The following SLC35F4 variants were observed in gnomAD, a reference collection of about 807,000 sequenced individuals.
SLC35F4 encodes solute carrier family 35 member F4.
A neutral mutation model predicts 44.2 loss-of-function variants in SLC35F4; 24 were observed. The observed-to-expected ratio is 0.54, with a 90% CI of 0.39 to 0.76. The LOEUF (loss-of-function observed/expected upper bound fraction) is 0.76, where lower values mean the gene tolerates loss of function less well. SLC35F4 is among the 30% of genes least tolerant of loss of function. SLC35F4 has a pLI of 0.00. For missense variants in SLC35F4, 562 were observed against 586.1 expected (o/e 0.96, Z 0.42); for synonymous variants, 238 against 223.6 (o/e 1.06, Z -0.57).
chr14:57,762,357 G>A (rs1040864711), intron 1 of SLC35F4, among the ~76,000 whole-genome samples: 1 of 152,098 alleles, frequency 6.6e-6, no homozygotes, highest in East Asian at 1.9e-4. Context: ...TGGACAAGAA[G>A]CAAAGGGATT....
chr14:57,819,210 C>A (rs1279543879), intron 1 of SLC35F4, among the ~76,000 whole-genome samples: 1 of 151,740 alleles, frequency 6.6e-6, no homozygotes, highest in Non-Finnish European at 1.5e-5. Context: ...ATTCTAAAAC[C>A]AATAACACTC....
At chr14:57,712,110 A>G (rs1860039918) in intron 1 of SLC35F4, among the ~76,000 whole-genome samples, 1 of 152,206 alleles carries the variant, frequency 6.6e-6, no homozygotes, top group Admixed American at 6.5e-5. Context: ...CTCTTCTTTT[A>G]TAAATGGAGT....
chr14:57,785,178 T>C lies in SLC35F4; in HGVS notation c.103+80545A>G, dbSNP rs551736073. 7.2e-5 allele frequency among the ~76,000 whole-genome samples: 11 copies of C among 152,116 alleles called. No homozygotes were observed. In the South Asian group the frequency reaches 1.7e-3, roughly 23 times the overall value. On this transcript the variant is annotated intron_variant, in intron 1 of 7. Coordinates refer to ENST00000556826, the MANE Select transcript of SLC35F4 (RefSeq NM_001306087.2). ...GTCAGCTATGGTTTAAATATTTTGA[T>C]GATTAAAAATTAAGCCTCGGTTACC...
chr14:57,762,341 A>G (rs1201743845), intron 1 of SLC35F4, among the ~76,000 whole-genome samples: 1 of 152,132 alleles, frequency 6.6e-6, no homozygotes, highest in Non-Finnish European at 1.5e-5. Flanking sequence ...AAAATTGTAC[A>G]AGACTTGGAC....
At chr14:57,582,712 A>T (rs376864250) in intron 3 of SLC35F4, among the ~76,000 whole-genome samples, 57 of 152,286 alleles carry the variant, frequency 3.7e-4, no homozygotes, top group African/African-American at 1.3e-3. Flanking sequence ...CATGAGTAGT[A>T]TATGTTTATA....
At chr14:57,598,490 T>C (rs374511952) in intron 1 of SLC35F4, among the ~76,000 whole-genome samples, 26 of 152,248 alleles carry the variant, frequency 1.7e-4, no homozygotes, top group African/African-American at 4.3e-4. Flanking sequence ...CTTAAAAAGA[T>C]TGAGTATAAG....
At chr14:57,864,252 G>A (rs1256213565) in intron 1 of SLC35F4, among the ~76,000 whole-genome samples, 1 of 152,020 alleles carries the variant, frequency 6.6e-6, no homozygotes, top group Non-Finnish European at 1.5e-5. Flanking sequence ...ATGTTTCCAG[G>A]GTTAAAAAAG....
Position 57,847,091 on chromosome 14 carries a change from C to T in SLC35F4, c.103+18632G>A, listed in dbSNP as rs142764881. Among the ~76,000 whole-genome samples, 1,034 of 152,266 alleles carry T rather than the reference C, an allele frequency of 6.8e-3. 7 individuals carry two copies. The highest frequency in any genetic ancestry group is 0.027 in the Middle Eastern group (8 of 294). ...ATATTTCAGTGCATAATTATGTTTTCTACTATTTCATTTTTGTTAATTTTG... is the reference window on the plus strand; with the variant it reads ...ATATTTCAGTGCATAATTATGTTTTTTACTATTTCATTTTTGTTAATTTTG... On this transcript the variant is annotated intron_variant, in intron 1 of 7. Transcript: ENST00000556826.
In SLC35F4 at chr14:57,690,303, C is replaced by G. The variant is rs542339423; in HGVS notation, c.104-96179G>C. ...AAAGGTAAGGTCTATGTTCTCATGG[C>G]ACTATTATAGTGGGGAGAGATAGTT... On this transcript the variant is annotated intron_variant, in intron 1 of 7. Transcript: ENST00000556826. 3.9e-5 allele frequency among the ~76,000 whole-genome samples: 6 copies of G among 152,282 alleles called. No homozygotes were observed. In the East Asian group the frequency reaches 1.2e-3, roughly 29 times the overall value.
chr14:57,954,624 C>A (rs1280586352), intron 1 of SLC35F4, among the ~76,000 whole-genome samples: 3 of 152,176 alleles, frequency 2.0e-5, no homozygotes, highest in East Asian at 3.9e-4. Context: ...ATACAAACTA[C>A]CATCAGAGAA....
At chr14:57,694,798 T>C (rs981300568) in intron 1 of SLC35F4, among the ~76,000 whole-genome samples, 1 of 152,196 alleles carries the variant, frequency 6.6e-6, no homozygotes, top group Non-Finnish European at 1.5e-5. Flanking sequence ...TTTGATGCTA[T>C]TGTAGATGGC....
At chr14:57,901,080 A>C (rs1382748302) in intron 1 of SLC35F4, among the ~76,000 whole-genome samples, 1 of 152,218 alleles carries the variant, frequency 6.6e-6, no homozygotes, top group Non-Finnish European at 1.5e-5. Flanking sequence ...TGAGAGTTTA[A>C]ATTAGTTCAA....
In SLC35F4 at chr14:57,564,231, C is replaced by G; in HGVS notation, c.1362G>C (p.Lys454Asn). The G allele has an allele frequency of 6.2e-7, 1 of 1,613,594 alleles. No homozygotes were observed. The change falls in exon 8 of 8, where the codon AAG (lysine) becomes AAC (asparagine). Residue 454 changes from lysine to asparagine, a missense_variant. Physicochemically the swap from Lys to Asn is moderately conservative, Grantham distance 94. Transcript: ENST00000556826. ...CATCATCCACATGCTCCTCACTCTT[C>G]TTTTCCTTCAGGCTGTTGATGAACC... The part of the protein sequence containing the change: ...TLRFINSLKE[K>N]KSEEHVDDVT...
intron 1 of SLC35F4, among the ~76,000 whole-genome samples, chr14:57,908,746 T>C (rs550155776): frequency 6.6e-6 from 1 of 152,366 alleles, no homozygotes; most frequent in Admixed American, 6.5e-5. Flanking sequence ...CTGCTCACTC[T>C]AATGATAGTT....
Position 57,589,451 on chromosome 14 carries a change from A to C in SLC35F4, c.352T>G (p.Cys118Gly). ...AGAACCATGGACGTGCAGGACAGGC[A>C]GCGAGCCTTGATTCTGTTTTCTTGG... ...SSQENRIKAR[C>G]LSCTSMVLKG... Residue 118 changes from cysteine (C) to glycine (G), a missense_variant, in exon 3 of 8, where the codon TGC (cysteine) becomes GGC (glycine). Coordinates refer to ENST00000556826, the MANE Select transcript of SLC35F4 (RefSeq NM_001306087.2). 2 of 1,613,934 alleles carry C rather than the reference A, an allele frequency of 1.2e-6. No homozygotes were observed. Among genetic ancestry groups the C allele is most frequent in the East Asian group, 2.2e-5 (1 of 44,884 alleles).
chr14:57,771,265 T>C (rs2077356752), intron 1 of SLC35F4, among the ~76,000 whole-genome samples: 1 of 152,192 alleles, frequency 6.6e-6, no homozygotes, highest in African/African-American at 2.4e-5. Context: ...TCCATTTGTG[T>C]TCCTACATCA....
chr14:57,723,687 G>A (rs2076138887), intron 1 of SLC35F4, among the ~76,000 whole-genome samples: 2 of 152,194 alleles, frequency 1.3e-5, no homozygotes, highest in South Asian at 4.1e-4. Flanking sequence ...GCCTTTTGCT[G>A]GCAAGGCCAG....
At chr14:57,974,758 T>C (rs1170684479), downstream of SLC35F4, among the ~76,000 whole-genome samples, 1 of 152,148 alleles carries the variant, frequency 6.6e-6, no homozygotes, top group African/African-American at 2.4e-5. Context: ...AAAAGGAGGA[T>C]AGGAATAGTA....
intron 1 of SLC35F4, among the ~76,000 whole-genome samples, chr14:57,757,133 A>G (rs1453288106): frequency 2.0e-5 from 3 of 152,132 alleles, no homozygotes; most frequent in African/African-American, 7.2e-5. Context: ...TGATCCCATT[A>G]TCATTATGAA....
Sources: gnomAD v4.1 joint callset for allele counts (sites outside exome capture counted in the v4.1 genomes callset) on GRCh38, gnomAD v4.1.1 for gene constraint, MANE v1.5 for transcripts, NCBI Gene and HGNC (gene_info 2026-07-23, HGNC 2026-07-21) for gene names.